GALNT13: variants seen among roughly 807,000 people sequenced by gnomAD.
GALNT13 encodes polypeptide N-acetylgalactosaminyltransferase 13.
GALNT13 carries 28 observed loss-of-function variants against 64.2 expected under a neutral mutation model. The observed-to-expected ratio is 0.44, with a 90% CI of 0.32 to 0.60. GALNT13 has a LOEUF of 0.60. Among genes scored for constraint, GALNT13 ranks in the 20% least tolerant of loss-of-function variants. GALNT13 has a pLI of 0.05. For synonymous variants in GALNT13, 214 were observed against 224.6 expected (o/e 0.95, Z 0.42); for missense variants, 577 against 669.8 (o/e 0.86, Z 1.53).
At chr2:154,004,494 G>C (rs535075794) in intron 3 of GALNT13, among the ~76,000 whole-genome samples, 32 of 152,102 alleles carry the variant, frequency 2.1e-4, no homozygotes, top group Non-Finnish European at 2.6e-4. Flanking sequence ...GTGAGCCACC[G>C]CACCCAGCCA....
chr2:154,014,009 C>T (rs913236067), intron 3 of GALNT13, among the ~76,000 whole-genome samples: 1 of 152,076 alleles, frequency 6.6e-6, no homozygotes, highest in African/African-American at 2.4e-5. Flanking sequence ...GCATTGCAAG[C>T]GGGAGTGATC....
chr2:153,522,457 G>A, the GALNT13 span, among the ~76,000 whole-genome samples: 1 of 152,118 alleles, frequency 6.6e-6, no homozygotes, highest in Non-Finnish European at 1.5e-5. Flanking sequence ...CCAGTGTACT[G>A]TCTTCCAAAG....
chr2:153,825,608 CTGTGTGTGTGTGTGTG>C, the GALNT13 span, among the ~76,000 whole-genome samples: 11 of 134,864 alleles, frequency 8.2e-5, no homozygotes, highest in East Asian at 8.7e-4. Flanking sequence ...TCCATGAGTG[CTGTGTGTGTGTGTGTG>C]TGTGTGTGTG....
At chr2:154,034,235 T>A (rs572532075) in intron 3 of GALNT13, among the ~76,000 whole-genome samples, 6 of 152,222 alleles carry the variant, frequency 3.9e-5, no homozygotes, top group Non-Finnish European at 8.8e-5. Flanking sequence ...ATTCAACCAG[T>A]GAATGCATAA....
chr2:154,439,865 CTG>C (rs1243517331), intron 12 of GALNT13, among the ~76,000 whole-genome samples: 1 of 152,108 alleles, frequency 6.6e-6, no homozygotes, highest in Non-Finnish European at 1.5e-5. Flanking sequence ...AGGGCAAACA[CTG>C]AGAATTCTTC....
intron 9 of GALNT13, among the ~76,000 whole-genome samples, chr2:154,310,915 TCAAA>T (rs1203602095): frequency 2.0e-5 from 2 of 100,468 alleles, no homozygotes; most frequent in Non-Finnish European, 4.0e-5. Context: ...CTGGCAAGTA[TCAAA>T]CAATTAGCTG....
At chr2:153,989,702 A>C (rs1695034947) in intron 3 of GALNT13, among the ~76,000 whole-genome samples, 1 of 152,072 alleles carries the variant, frequency 6.6e-6, no homozygotes, top group South Asian at 2.1e-4. Context: ...ATTTATGCAC[A>C]CTACAAAATA....
chr2:153,725,826 A>C, the GALNT13 span, among the ~76,000 whole-genome samples: 1 of 119,766 alleles, frequency 8.3e-6, no homozygotes, highest in Non-Finnish European at 1.6e-5. Context: ...TGAATGTTTA[A>C]ATGATCTTTT....
At chr2:153,707,409 A>C in the GALNT13 span, among the ~76,000 whole-genome samples, 1 of 152,198 alleles carries the variant, frequency 6.6e-6, no homozygotes, top group Non-Finnish European at 1.5e-5. Flanking sequence ...TGTGGTTGCT[A>C]TGAAACATCC....
At chr2:153,714,919 G>T in the GALNT13 span, among the ~76,000 whole-genome samples, 1 of 152,118 alleles carries the variant, frequency 6.6e-6, no homozygotes, top group African/African-American at 2.4e-5. Context: ...AGGGAATACT[G>T]CCATAAGCTG....
At chr2:154,130,726 A>G (rs1042141442) in intron 3 of GALNT13, among the ~76,000 whole-genome samples, 7 of 152,218 alleles carry the variant, frequency 4.6e-5, no homozygotes, top group African/African-American at 1.4e-4. Context: ...AACTAGATGC[A>G]TAGTCAATGA....
At chr2:153,297,867 A>G in the GALNT13 span, among the ~76,000 whole-genome samples, 5 of 152,174 alleles carry the variant, frequency 3.3e-5, no homozygotes, top group Non-Finnish European at 7.4e-5. Context: ...GTGCTGACTG[A>G]AAAGAGGTTT....
the GALNT13 span, among the ~76,000 whole-genome samples, chr2:153,393,903 G>A: frequency 2.0e-5 from 3 of 151,510 alleles, no homozygotes; most frequent in Admixed American, 6.6e-5. Context: ...ATAATCATGA[G>A]CCAATTCCCT....
rs118002934 is a variant in GALNT13, at chr2:154,062,303, C to A, written c.143-78034C>A. Among the ~76,000 whole-genome samples, 104 of 152,220 alleles carry A rather than the reference C, an allele frequency of 6.8e-4. 2 individuals carry two copies. The East Asian group carries it at 0.016, about 23-fold the overall frequency. On this transcript the variant is annotated intron_variant, in intron 3 of 12. Coordinates refer to ENST00000392825, the MANE Select transcript of GALNT13 (RefSeq NM_052917.4). ...ATAAATTTTTATGTGATTCTATTTTCTCTTGGTAATATTTTCCTTTTATCT... is the reference window on the plus strand; with the variant it reads ...ATAAATTTTTATGTGATTCTATTTTATCTTGGTAATATTTTCCTTTTATCT...
At chr2:153,778,541 G>A in the GALNT13 span, among the ~76,000 whole-genome samples, 1 of 152,288 alleles carries the variant, frequency 6.6e-6, no homozygotes, top group South Asian at 2.1e-4. Context: ...TTCATAAGGA[G>A]AAGAGATAAT....
At chr2:154,025,135 G>A (rs995257384) in intron 3 of GALNT13, among the ~76,000 whole-genome samples, 2 of 152,082 alleles carry the variant, frequency 1.3e-5, no homozygotes, top group African/African-American at 4.8e-5. Flanking sequence ...GGCTACTCGG[G>A]GGTCATGGAC....
chr2:153,560,399 C>T, the GALNT13 span, among the ~76,000 whole-genome samples: 9 of 151,966 alleles, frequency 5.9e-5, no homozygotes, highest in East Asian at 3.9e-4. Flanking sequence ...TAGGAATGAA[C>T]GTGTTTTCCT....
the GALNT13 span, among the ~76,000 whole-genome samples, chr2:153,348,626 A>G: frequency 6.6e-6 from 1 of 152,236 alleles, no homozygotes; most frequent in Non-Finnish European, 1.5e-5. Context: ...ATTTTGGAAA[A>G]ACATATAGAA....
the GALNT13 span, among the ~76,000 whole-genome samples, chr2:153,727,412 TA>T: frequency 6.6e-6 from 1 of 152,244 alleles, no homozygotes; most frequent in Non-Finnish European, 1.5e-5. Flanking sequence ...TACTTTTTTT[TA>T]TTCTTTTCTA....
Sources: gnomAD v4.1 joint callset for allele counts (sites outside exome capture counted in the v4.1 genomes callset) on GRCh38, gnomAD v4.1.1 for gene constraint, MANE v1.5 for transcripts, NCBI Gene and HGNC (gene_info 2026-07-23, HGNC 2026-07-21) for gene names.